The following UBE2K variants were observed in gnomAD, a reference collection of about 807,000 sequenced individuals.
UBE2K encodes ubiquitin conjugating enzyme E2 K.
UBE2K carries 6 observed loss-of-function variants against 30.0 expected under a neutral mutation model. That is an observed-to-expected ratio of 0.20 (90% CI 0.11 to 0.39). UBE2K has a LOEUF of 0.39. UBE2K is among the 10% of genes least tolerant of loss of function. The pLI, the probability that UBE2K is intolerant of heterozygous loss-of-function variation, is 1.00. For synonymous variants in UBE2K, 86 were observed against 83.7 expected, an observed-to-expected ratio of 1.03 and a Z score of -0.15; for missense variants, 61 against 241.6, an observed-to-expected ratio of 0.25 and a Z score of 4.96.
rs1377295625 is a variant in UBE2K at position 39,781,707 on chromosome 4, C to T, written c.*3273C>T. The stretch of plus-strand genomic sequence containing the variant: ...ATACCTTCTAGTATGTAGAGGGAAA[C>T]AATGTTTAGATAGGAAAAAGGAAGC... On this transcript the variant is annotated 3_prime_UTR_variant, in exon 7 of 7. Transcript: ENST00000261427. 1 of 381,526 alleles carries T rather than the reference C, an allele frequency of 2.6e-6. No homozygotes were observed. The highest frequency in any genetic ancestry group is 2.1e-5 in the African/African-American group (1 of 48,238). The allele number at this position is 381,526 out of a possible 1,614,324, so 23.6% of individuals were successfully genotyped here.
At chr4:39,767,704 T>C (rs1012386081) in intron 4 of UBE2K, among the ~76,000 whole-genome samples, 4 of 152,294 alleles carry the variant, frequency 2.6e-5, no homozygotes, top group African/African-American at 9.6e-5. Flanking sequence ...TATGAAGGAC[T>C]TGCAAGATTT....
chr4:39,718,135 C>T (rs1719204891), intron 1 of UBE2K, among the ~76,000 whole-genome samples: 1 of 152,172 alleles, frequency 6.6e-6, no homozygotes, highest in Non-Finnish European at 1.5e-5. Flanking sequence ...CACGCACATC[C>T]TGCTGATTGG....
At chr4:39,726,595 CTGTTTGTT>C (rs781495667) in intron 1 of UBE2K, among the ~76,000 whole-genome samples, 2 of 151,976 alleles carry the variant, frequency 1.3e-5, no homozygotes, top group East Asian at 1.9e-4. Flanking sequence ...GATTATTTTG[CTGTTTGTT>C]TGTTTGTTGT....
intron 4 of UBE2K, among the ~76,000 whole-genome samples, chr4:39,766,878 C>T (rs1560376663): frequency 6.6e-6 from 1 of 151,908 alleles, no homozygotes; most frequent in Non-Finnish European, 1.5e-5. Flanking sequence ...CAGCTTCCCA[C>T]GTAGCTGGGA....
rs567948071 is a variant in UBE2K, at chr4:39,771,302, C to T, written c.300-3532C>T. 60 of 1,611,998 alleles carry T rather than the reference C, an allele frequency of 3.7e-5. No homozygotes were observed. The African/African-American group carries it at 7.2e-4, about 19-fold the overall frequency. ...CAGGCGGCTAAGATGACCTTGTGGC[C>T]TCGAAACTTGAGGCTGTCGGCCACA... is the stretch of plus-strand genomic sequence containing the variant. On this transcript the variant is annotated intron_variant, in intron 4 of 6. Transcript: ENST00000261427.
intron 1 of UBE2K, among the ~76,000 whole-genome samples, chr4:39,730,451 G>C (rs1361673727): frequency 3.3e-5 from 5 of 152,222 alleles, no homozygotes; most frequent in Non-Finnish European, 7.4e-5. Flanking sequence ...CCCACAAAGT[G>C]TTGGGATTAC....
chr4:39,747,518 G>GTTAAAAAC (rs1721042196), intron 3 of UBE2K, among the ~76,000 whole-genome samples: 1 of 152,168 alleles, frequency 6.6e-6, no homozygotes, highest in Non-Finnish European at 1.5e-5. Context: ...GCATGTGTCA[G>GTTAAAAAC]AATTTCTTTG....
intron 1 of UBE2K, among the ~76,000 whole-genome samples, chr4:39,716,274 G>GTCTGTCTGTCTGTCTA (rs1365533748): frequency 6.6e-6 from 1 of 152,126 alleles, no homozygotes; most frequent in East Asian, 1.9e-4. Context: ...GTGTCTGTCT[G>GTCTGTCTGTCTGTCTA]TCTATCTATC....
chr4:39,698,413 TC>T, intron 1 of UBE2K, 23 bp downstream of exon 1: 2 of 1,601,478 alleles, frequency 1.2e-6, no homozygotes, highest in South Asian at 2.3e-5. Context: ...CTCCCGGATA[TC>T]CCCCACCTCT....
Position 39,781,949 on chromosome 4 carries a change from T to C in UBE2K, c.*3515T>C. 2.5e-6 allele frequency: 1 copy of C among 398,496 alleles called. No homozygotes were observed. The highest frequency in any genetic ancestry group is 3.6e-5 in the East Asian group (1 of 28,062). 24.7% of individuals were successfully genotyped at this position (398,496 alleles called of 1,614,324 possible). On this transcript the variant is annotated 3_prime_UTR_variant, in exon 7 of 7. Transcript: ENST00000261427. ...TGAAGTATTTACTGATAAAATAGCCTTTATTCCCAAGTGTGACTTTTCTTC... is the reference window on the plus strand; with the variant it reads ...TGAAGTATTTACTGATAAAATAGCCCTTATTCCCAAGTGTGACTTTTCTTC...
intron 4 of UBE2K, chr4:39,769,935 C>G: frequency 1.7e-6 from 1 of 602,626 alleles, no homozygotes; most frequent in Non-Finnish European, 2.9e-6. Context: ...GAATCATCTT[C>G]CCTCTCTCAG....
chr4:39,764,687 C>T (rs1466144489), intron 4 of UBE2K, among the ~76,000 whole-genome samples: 1 of 152,072 alleles, frequency 6.6e-6, no homozygotes, highest in African/African-American at 2.4e-5. Context: ...TTTGACTTCC[C>T]AAAGTGCTAG....
intron 1 of UBE2K, among the ~76,000 whole-genome samples, chr4:39,713,123 C>A (rs1017257076): frequency 6.6e-6 from 1 of 152,028 alleles, no homozygotes; most frequent in South Asian, 2.1e-4. Context: ...CTCAGCTTCC[C>A]AAAGTGCTGG....
intron 1 of UBE2K, among the ~76,000 whole-genome samples, chr4:39,728,913 C>T (rs1277263877): frequency 4.0e-5 from 6 of 151,174 alleles, no homozygotes; most frequent in Admixed American, 2.0e-4. Context: ...GTGATCCACC[C>T]GCCTCGGCCT....
intron 2 of UBE2K, among the ~76,000 whole-genome samples, chr4:39,743,150 T>C (rs1305632363): frequency 6.6e-6 from 1 of 152,048 alleles, no homozygotes; most frequent in Non-Finnish European, 1.5e-5. Context: ...TTCATAACAA[T>C]GGAGGAGTGA....
chr4:39,763,101 C>A lies in UBE2K; in HGVS notation c.299+7362C>A, dbSNP rs866625522. ...GGGATTACAGGCACGTGCCACCATG[C>A]CCAGCTAATATTTGTGTTTTTAATA... On this transcript the variant is annotated intron_variant, in intron 4 of 6. Coordinates refer to ENST00000261427, the MANE Select transcript of UBE2K (RefSeq NM_005339.5). Among the ~76,000 whole-genome samples, 3 of 150,600 alleles carry A rather than the reference C, an allele frequency of 2.0e-5. No homozygotes were observed. In the South Asian group the frequency reaches 6.3e-4, roughly 32 times the overall value.
intron 1 of UBE2K, among the ~76,000 whole-genome samples, chr4:39,721,358 A>G (rs770157739): frequency 6.6e-6 from 1 of 151,788 alleles, no homozygotes; most frequent in Non-Finnish European, 1.5e-5. Flanking sequence ...TAGGGAGCCG[A>G]AGAGAAGTTA....
intron 3 of UBE2K, among the ~76,000 whole-genome samples, chr4:39,749,364 T>C (rs1364208622): frequency 6.6e-6 from 1 of 152,204 alleles, no homozygotes; most frequent in Non-Finnish European, 1.5e-5. Flanking sequence ...TGGTGTATCC[T>C]GCTTGAATAG....
intron 1 of UBE2K, among the ~76,000 whole-genome samples, chr4:39,736,926 C>T (rs1050263010): frequency 6.6e-6 from 1 of 152,144 alleles, no homozygotes; most frequent in Non-Finnish European, 1.5e-5. Context: ...CTATTTCAGT[C>T]AGTTAAACTA....
Sources: gnomAD v4.1 joint callset for allele counts (sites outside exome capture counted in the v4.1 genomes callset) on GRCh38, gnomAD v4.1.1 for gene constraint, MANE v1.5 for transcripts, NCBI Gene and HGNC (gene_info 2026-07-23, HGNC 2026-07-21) for gene names.